NXPE2: variants seen among roughly 807,000 people sequenced by gnomAD.
NXPE2 encodes NXPE family member 2.
A neutral mutation model predicts 34.4 loss-of-function variants in NXPE2; 34 were observed. The ratio of observed to expected loss-of-function variants is 0.99; its 90% confidence interval spans 0.75 to 1.31. The LOEUF (loss-of-function observed/expected upper bound fraction) is 1.31. Ranked by LOEUF, NXPE2 falls within the 40% of genes most tolerant of loss-of-function variation. The pLI is 0.00. For synonymous variants in NXPE2, 235 were observed against 231.3 expected, an observed-to-expected ratio of 1.02 and a Z score of -0.15; for missense variants, 649 against 672.5, an observed-to-expected ratio of 0.97 and a Z score of 0.39.
chr11:114,722,889 C>T, the NXPE2 span, among the ~76,000 whole-genome samples: 1 of 152,128 alleles, frequency 6.6e-6, no homozygotes, highest in Non-Finnish European at 1.5e-5. Flanking sequence ...TTATAAATGA[C>T]AGAAGCACGT....
the NXPE2 span, among the ~76,000 whole-genome samples, chr11:114,499,906 A>G: frequency 1.3e-5 from 2 of 150,980 alleles, no homozygotes; most frequent in Non-Finnish European, 2.9e-5. Flanking sequence ...CCCTCAGCAA[A>G]GTGATTTTGA....
the NXPE2 span, among the ~76,000 whole-genome samples, chr11:114,576,695 T>G: frequency 6.6e-5 from 10 of 151,854 alleles, no homozygotes; most frequent in African/African-American, 2.4e-4. Context: ...TCAATAATGT[T>G]GGTGTGGATG....
chr11:114,522,727 A>C, the NXPE2 span: 1 of 673,934 alleles, frequency 1.5e-6, no homozygotes, highest in Non-Finnish European at 2.5e-6. Flanking sequence ...CTTATGAAAG[A>C]AGGAATAAAA....
chr11:114,614,685 C>T, the NXPE2 span, among the ~76,000 whole-genome samples: 8 of 152,040 alleles, frequency 5.3e-5, no homozygotes, highest in South Asian at 4.2e-4. Context: ...AGTGTTGCCT[C>T]GTGGGTAACC....
At chr11:114,539,048 T>A in the NXPE2 span, among the ~76,000 whole-genome samples, 1 of 152,130 alleles carries the variant, frequency 6.6e-6, no homozygotes, top group Non-Finnish European at 1.5e-5. Context: ...TGTCCAACAA[T>A]GATAGACTGG....
rs572259238 is a variant in NXPE2 at position 114,699,135 on chromosome 11, T to G, written c.866+357T>G. Among the ~76,000 whole-genome samples, 5 of 152,300 alleles carry G rather than the reference T, an allele frequency of 3.3e-5. No individual in the cohort carries two copies. The South Asian group carries it at 1.0e-3, about 32-fold the overall frequency. On this transcript the variant is annotated intron_variant, in intron 3 of 5. Transcript: ENST00000389586. ...TAGATGCTGTACAATAAAAAAGTGG[T>G]GAATGATATCATTGTTCAGTCGAGC... is the stretch of plus-strand genomic sequence containing the variant.
the NXPE2 span, among the ~76,000 whole-genome samples, chr11:114,729,540 ATTCCCTT>A: frequency 6.6e-6 from 1 of 152,092 alleles, no homozygotes; most frequent in Non-Finnish European, 1.5e-5. Flanking sequence ...GTGTATAAAC[ATTCCCTT>A]TTCTCTACAG....
At chr11:114,680,856 T>C (rs1591425521) in intron 2 of NXPE2, among the ~76,000 whole-genome samples, 1 of 152,180 alleles carries the variant, frequency 6.6e-6, no homozygotes, top group Admixed American at 6.5e-5. Context: ...GTGCTATTCA[T>C]TGGATATCTC....
downstream of NXPE2, among the ~76,000 whole-genome samples, chr11:114,707,957 G>T (rs1372837696): frequency 6.6e-6 from 1 of 152,012 alleles, no homozygotes; most frequent in African/African-American, 2.4e-5. Context: ...TCGACATTTG[G>T]GTTGTTTCCC....
chr11:114,592,260 A>G, the NXPE2 span, among the ~76,000 whole-genome samples: 1 of 152,206 alleles, frequency 6.6e-6, no homozygotes, highest in Admixed American at 6.5e-5. Flanking sequence ...ACATAAACTT[A>G]TATTTAGAAC....
At chr11:114,621,101 G>A in the NXPE2 span, among the ~76,000 whole-genome samples, 4 of 152,132 alleles carry the variant, frequency 2.6e-5, no homozygotes, top group African/African-American at 9.7e-5. Flanking sequence ...TGGCACATGG[G>A]AAACCACTGT....
chr11:114,624,152 T>G, the NXPE2 span, among the ~76,000 whole-genome samples: 1 of 152,090 alleles, frequency 6.6e-6, no homozygotes, highest in South Asian at 2.1e-4. Flanking sequence ...TATTGCCTCA[T>G]GTGTAACCAA....
the NXPE2 span, among the ~76,000 whole-genome samples, chr11:114,639,340 G>A: frequency 3.3e-5 from 5 of 151,984 alleles, no homozygotes; most frequent in Non-Finnish European, 5.9e-5. Flanking sequence ...ATTAGGGTGG[G>A]AGTGACCCGA....
the NXPE2 span, among the ~76,000 whole-genome samples, chr11:114,564,675 A>G: frequency 6.6e-6 from 1 of 152,092 alleles, no homozygotes; most frequent in African/African-American, 2.4e-5. Flanking sequence ...TTGAAGGGTG[A>G]CTGAAATCTC....
chr11:114,540,953 C>T, the NXPE2 span, among the ~76,000 whole-genome samples: 1 of 131,554 alleles, frequency 7.6e-6, no homozygotes, highest in African/African-American at 2.8e-5. Flanking sequence ...AATCCCAGAA[C>T]AGAGGCAGAG....
At chr11:114,626,419 G>A in the NXPE2 span, among the ~76,000 whole-genome samples, 1 of 152,092 alleles carries the variant, frequency 6.6e-6, no homozygotes, top group Non-Finnish European at 1.5e-5. Flanking sequence ...GGGGCAGACT[G>A]ACACCTCACG....
chr11:114,660,888 G>A, the NXPE2 span, among the ~76,000 whole-genome samples: 11 of 152,208 alleles, frequency 7.2e-5, no homozygotes, highest in East Asian at 2.1e-3. Flanking sequence ...TTTAGTGTCA[G>A]CAAGATTATA....
the NXPE2 span, among the ~76,000 whole-genome samples, chr11:114,626,001 C>A: frequency 1.3e-5 from 2 of 152,224 alleles, no homozygotes; most frequent in African/African-American, 4.8e-5. Flanking sequence ...GAGATTATAT[C>A]CCGCATTTGG....
chr11:114,716,179 G>A, the NXPE2 span, among the ~76,000 whole-genome samples: 1 of 152,080 alleles, frequency 6.6e-6, no homozygotes, highest in African/African-American at 2.4e-5. Context: ...TTTTACCAAT[G>A]GTGCCGTTGG....
Sources: gnomAD v4.1 joint callset for allele counts (sites outside exome capture counted in the v4.1 genomes callset) on GRCh38, gnomAD v4.1.1 for gene constraint, MANE v1.5 for transcripts, NCBI Gene and HGNC (gene_info 2026-07-23, HGNC 2026-07-21) for gene names.